The following AKAP13 variants were observed in gnomAD, a reference collection of about 807,000 sequenced individuals.
AKAP13 encodes the protein A-kinase anchor protein 13.
AKAP13 carries 80 observed loss-of-function variants against 264.5 expected under a neutral mutation model. The ratio of observed to expected loss-of-function variants is 0.30; its 90% confidence interval spans 0.25 to 0.36. The LOEUF (loss-of-function observed/expected upper bound fraction) is 0.36. AKAP13 is among the 10% of genes least tolerant of loss of function. The pLI, the probability that AKAP13 is intolerant of heterozygous loss-of-function variation, is 1.00. For missense variants in AKAP13, 3,712 were observed against 3,435.2 expected (o/e 1.08, Z -2.01); for synonymous variants, 1,380 against 1,250.2 (o/e 1.10, Z -2.19).
At chr15:85,428,934 T>G (rs1302125382) in intron 1 of AKAP13, among the ~76,000 whole-genome samples, 1 of 152,184 alleles carries the variant, frequency 6.6e-6, no homozygotes. Flanking sequence ...TGCCAGACAA[T>G]GAACAAGTGC....
At chr15:85,680,534 G>T (rs1235021625) in intron 14 of AKAP13, among the ~76,000 whole-genome samples, 1 of 152,084 alleles carries the variant, frequency 6.6e-6, no homozygotes, top group Admixed American at 6.5e-5. Flanking sequence ...CTTAGAATTT[G>T]TTTTAAGGTT....
At position 85,575,185 on chromosome 15, in the gene AKAP13, T is replaced by C. The variant is rs1285309293; in HGVS notation, c.717T>C (p.Tyr239=). The C allele has an allele frequency of 6.2e-7, 1 of 1,614,026 alleles. No individual in the cohort carries two copies. Among genetic ancestry groups the C allele is most frequent in the African/African-American group, 1.3e-5 (1 of 74,920 alleles). Residue 239 remains tyrosine (Y), a synonymous_variant, in exon 6 of 37, where the codon TAT becomes TAC. Coordinates refer to ENST00000394518, the MANE Select transcript of AKAP13 (RefSeq NM_007200.5). ...SWSSLSYEIP[Y]GDCSVRHHRE... is the part of the protein sequence containing the mutation. ...GCAGTTTATCCTATGAAATACCGTATGGAGACTGTTCTGTGAGGCATCATC... is the reference window on the plus strand; with the variant it reads ...GCAGTTTATCCTATGAAATACCGTACGGAGACTGTTCTGTGAGGCATCATC...
chr15:85,619,712 A>C, intron 8 of AKAP13: 2 of 1,000,966 alleles, frequency 2.0e-6, no homozygotes, highest in Non-Finnish European at 2.4e-6. Flanking sequence ...CGTTATGCTT[A>C]GCCAGTTTAT....
intron 1 of AKAP13, among the ~76,000 whole-genome samples, chr15:85,447,745 C>G (rs1212943998): frequency 6.6e-6 from 1 of 152,142 alleles, no homozygotes; most frequent in African/African-American, 2.4e-5. Context: ...TGTATATGTA[C>G]CACATTTTCT....
intron 16 of AKAP13, among the ~76,000 whole-genome samples, chr15:85,687,817 T>C: frequency 6.6e-6 from 1 of 152,074 alleles, no homozygotes; most frequent in Non-Finnish European, 1.5e-5. Context: ...GATGAGAAGA[T>C]CACTTGAGAC....
At chr15:85,553,279 G>A (rs1344138102) in intron 5 of AKAP13, among the ~76,000 whole-genome samples, 3 of 151,784 alleles carry the variant, frequency 2.0e-5, no homozygotes, top group Non-Finnish European at 2.9e-5. Flanking sequence ...GTAGAAACAG[G>A]GTTTCACCAT....
At chr15:85,504,610 C>T (rs73450332) in intron 2 of AKAP13, among the ~76,000 whole-genome samples, 5,902 of 142,530 alleles carry the variant, frequency 0.041, 397 homozygotes, top group African/African-American at 0.15. Flanking sequence ...GAGGGTTGCT[C>T]AAGCCTGGAA....
chr15:85,648,115 ATAC>A (rs2082641630), intron 10 of AKAP13, among the ~76,000 whole-genome samples: 1 of 152,242 alleles, frequency 6.6e-6, no homozygotes, highest in African/African-American at 2.4e-5. Flanking sequence ...CGCAAGGGGA[ATAC>A]CATTCTGAAG....
chr15:85,581,562 C>T lies in AKAP13; in HGVS notation c.3494C>T (p.Ala1165Val), dbSNP rs1389100006. Residue 1165 changes from alanine (A) to valine (V), a missense_variant, in exon 7 of 37, where the codon GCA becomes GTA. Ala to Val is a moderately conservative substitution (Grantham distance 64). This residue lies in a region of AKAP13 where 2,759 missense variants were observed against 2,411.7 expected (regional missense o/e 1.14). Transcript: ENST00000394518. The stretch of plus-strand genomic sequence containing the variant: ...TGGGAGAAAGGGAAGCTGGAGGGAG[C>T]AGACCACAGCTGTACCATGGGTGAC... The part of the protein sequence containing the change: ...LDWEKGKLEG[A>V]DHSCTMGDAE... The T allele has an allele frequency of 9.9e-6, 16 of 1,614,028 alleles. No homozygotes were observed. The highest frequency in any genetic ancestry group is 1.4e-5 in the Non-Finnish European group (16 of 1,180,026).
chr15:85,584,643 A>G (rs2079264674), intron 7 of AKAP13, among the ~76,000 whole-genome samples: 1 of 152,252 alleles, frequency 6.6e-6, no homozygotes, highest in East Asian at 1.9e-4. Context: ...AAGGTCAAAG[A>G]AGGAAGAAAA....
chr15:85,733,873 CTTTTTTTTTT>C (rs72092500), intron 30 of AKAP13, among the ~76,000 whole-genome samples: 3 of 82,592 alleles, frequency 3.6e-5, no homozygotes, highest in Non-Finnish European at 6.9e-5. Context: ...TCTTTCTTTT[CTTTTTTTTTT>C]TTTTTTTTTT....
Position 85,727,807 on chromosome 15 carries a change from G to C in AKAP13, c.7087+344G>C, listed in dbSNP as rs951557761. Among the ~76,000 whole-genome samples the C allele has an allele frequency of 6.6e-6, 1 of 152,182 alleles. No homozygotes were observed. Among genetic ancestry groups the C allele is most frequent in the East Asian group, 1.9e-4 (1 of 5,198 alleles). ...CACATCTAAGATTAAAACAAGGAGA[G>C]AAAGGAATTTGGGGAAAAGAATTCT... On this transcript the variant is annotated intron_variant, in intron 29 of 36. Coordinates refer to ENST00000394518, the MANE Select transcript of AKAP13 (RefSeq NM_007200.5). This position sits in a 1 kb window ranked among gnomAD's most constrained non-coding sequence, Gnocchi z 5.3.
At chr15:85,638,339 T>C (rs909608474) in intron 8 of AKAP13, among the ~76,000 whole-genome samples, 1 of 152,174 alleles carries the variant, frequency 6.6e-6, no homozygotes, top group Non-Finnish European at 1.5e-5. Flanking sequence ...TATATGTTTG[T>C]TTTATTTGAG....
At chr15:85,657,728 TTA>T (rs2083165798) in intron 11 of AKAP13, among the ~76,000 whole-genome samples, 1 of 150,386 alleles carries the variant, frequency 6.6e-6, no homozygotes, top group African/African-American at 2.5e-5. Flanking sequence ...TTTTTTTTTT[TTA>T]AGCATTCAGA....
intron 1 of AKAP13, among the ~76,000 whole-genome samples, chr15:85,477,341 C>A (rs1023670597): frequency 6.6e-6 from 1 of 151,764 alleles, no homozygotes; most frequent in Middle Eastern, 3.2e-3. Context: ...GAAGAATGAT[C>A]TGGGCTACTT....
intron 1 of AKAP13, among the ~76,000 whole-genome samples, chr15:85,391,207 A>G (rs1028062487): frequency 6.6e-6 from 1 of 152,250 alleles, no homozygotes; most frequent in Non-Finnish European, 1.5e-5. Context: ...TGCATATTAT[A>G]TCAGAATTAG....
chr15:85,716,014 T>TC, intron 20 of AKAP13, 91 bp downstream of exon 20: 1 of 1,496,200 alleles, frequency 6.7e-7, no homozygotes, highest in Non-Finnish European at 8.9e-7. Context: ...TTTTTTTTTT[T>TC]TTAAGAAATA....
chr15:85,722,708 T>C (rs778629620), intron 25 of AKAP13, among the ~76,000 whole-genome samples: 23 of 152,084 alleles, frequency 1.5e-4, no homozygotes, highest in Non-Finnish European at 2.1e-4. Flanking sequence ...CTAATTCTGT[T>C]CCTAGGTAGT....
intron 2 of AKAP13, among the ~76,000 whole-genome samples, chr15:85,514,843 GTTT>G (rs34275462): frequency 8.0e-6 from 1 of 124,794 alleles, no homozygotes; most frequent in African/African-American, 3.3e-5. Flanking sequence ...ATTTTGAGGG[GTTT>G]TTTTTTTTTG....
Sources: gnomAD v4.1 joint callset for allele counts (sites outside exome capture counted in the v4.1 genomes callset) on GRCh38, gnomAD v4.1.1 for gene constraint, gnomAD v4.1.1 regional missense constraint, Gnocchi (gnomAD v3.1) non-coding constraint, MANE v1.5 for transcripts, NCBI Gene and HGNC (gene_info 2026-07-23, HGNC 2026-07-21) for gene names.